The following BICDL1 variants were observed in gnomAD, a reference collection of about 807,000 sequenced individuals.
BICDL1 encodes BICD family-like cargo adapter 1.
BICDL1 carries 20 observed loss-of-function variants against 76.8 expected under a neutral mutation model. That is an observed-to-expected ratio of 0.26 (90% CI 0.18 to 0.38). The LOEUF is 0.38. Among genes scored for constraint, BICDL1 ranks in the 10% least tolerant of loss-of-function variants. The pLI is 1.00. For synonymous variants in BICDL1, 383 were observed against 337.1 expected, an observed-to-expected ratio of 1.14 and a Z score of -1.49; for missense variants, 700 against 798.6, an observed-to-expected ratio of 0.88 and a Z score of 1.49.
intron 2 of BICDL1, among the ~76,000 whole-genome samples, chr12:120,021,904 C>CAAATA (rs202113895): frequency 1.3e-3 from 186 of 139,384 alleles, no homozygotes; most frequent in African/African-American, 3.2e-3. Flanking sequence ...GGCTCTGTCT[C>CAAATA]AAATAAAATA....
chr12:120,045,396 T>G (rs2138826769), intron 2 of BICDL1, among the ~76,000 whole-genome samples: 1 of 152,064 alleles, frequency 6.6e-6, no homozygotes, highest in South Asian at 2.1e-4. Context: ...AAATACCATT[T>G]GACCCAGCCA....
intron 2 of BICDL1, among the ~76,000 whole-genome samples, chr12:120,057,818 C>CTTTTTTTTTTTTTTTTT (rs143777152): frequency 1.7e-4 from 13 of 78,324 alleles, no homozygotes; most frequent in African/African-American, 7.0e-4. Context: ...GCGATTCCTG[C>CTTTTTTTTTTTTTTTTT]TTTTTTTTTT....
Position 119,990,001 on chromosome 12 carries a change from T to C in BICDL1, c.133T>C (p.Phe45Leu). 6.8e-7 allele frequency: 1 copy of C among 1,480,886 alleles called. No individual in the cohort carries two copies. Among genetic ancestry groups the C allele is most frequent in the South Asian group, 1.3e-5 (1 of 74,816 alleles). The allele number at this position is 1,480,886 out of a possible 1,614,324, so 91.7% of individuals were successfully genotyped here. A position where few individuals can be genotyped will look rare whatever the true frequency, so the allele number is the denominator to read the frequency against. ...RSPAAAAALI[F>L]PGGSGELELA... is the part of the protein sequence containing the mutation. ...TCCCGCCGCCGCCGCCGCCCTCATC[T>C]TCCCCGGGGGCTCCGGGGAGCTAGA... The change falls in exon 1 of 10, where the codon TTC (phenylalanine) becomes CTC (leucine). Residue 45 changes from phenylalanine (F) to leucine (L), a missense_variant. Physicochemically the swap from Phe to Leu is conservative, Grantham distance 22. Coordinates refer to ENST00000548673, the MANE Select transcript of BICDL1 (RefSeq NM_001367886.1).
At position 120,058,981 on chromosome 12, in the gene BICDL1, G is replaced by A. The variant is rs144073181; in HGVS notation, c.646-2729G>A. The stretch of plus-strand genomic sequence containing the variant: ...CTAAATTGGACTCGTGTAAAGTTTG[G>A]TTTTAGTAGTGAGCAATAGAAATAT... On this transcript the variant is annotated intron_variant, in intron 2 of 9. Coordinates refer to ENST00000548673, the MANE Select transcript of BICDL1 (RefSeq NM_001367886.1). Among the ~76,000 whole-genome samples, 14 of 152,198 alleles carry A rather than the reference G, an allele frequency of 9.2e-5. 1 individual carries two copies. In the East Asian group the frequency reaches 2.5e-3, roughly 27 times the overall value.
intron 8 of BICDL1, among the ~76,000 whole-genome samples, chr12:120,081,882 G>A (rs1445728112): frequency 6.8e-6 from 1 of 147,450 alleles, no homozygotes; most frequent in Non-Finnish European, 1.5e-5. Context: ...AAGACATAGT[G>A]TCATCTCCAT....
At chr12:120,021,537 A>C (rs1323365558) in intron 2 of BICDL1, among the ~76,000 whole-genome samples, 1 of 143,636 alleles carries the variant, frequency 7.0e-6, no homozygotes, top group African/African-American at 2.6e-5. Context: ...CAGTGAGCCA[A>C]GATTGCGCCA....
intron 2 of BICDL1, among the ~76,000 whole-genome samples, chr12:120,013,840 T>G (rs1952008365): frequency 1.3e-5 from 2 of 152,354 alleles, no homozygotes; most frequent in South Asian, 2.1e-4. Context: ...CATTGATTTG[T>G]TCTGAAGACT....
At chr12:120,067,571 C>T (rs1953248018) in intron 4 of BICDL1, among the ~76,000 whole-genome samples, 1 of 152,134 alleles carries the variant, frequency 6.6e-6, no homozygotes, top group Non-Finnish European at 1.5e-5. Context: ...GGTTTTTCTG[C>T]CTGTGTCTGT....
chr12:120,015,174 AACTT>A (rs1298133008), intron 2 of BICDL1, among the ~76,000 whole-genome samples: 1 of 152,136 alleles, frequency 6.6e-6, no homozygotes, highest in African/African-American at 2.4e-5. Flanking sequence ...AAGCTTTCTT[AACTT>A]TATGCAATAA....
At chr12:120,011,206 G>T (rs1273893984) in intron 2 of BICDL1, among the ~76,000 whole-genome samples, 2 of 152,180 alleles carry the variant, frequency 1.3e-5, no homozygotes, top group Admixed American at 6.5e-5. Flanking sequence ...ATTTCTGTGG[G>T]CTATGCCTGG....
At chr12:120,022,492 GTATA>G (rs577815161) in intron 2 of BICDL1, among the ~76,000 whole-genome samples, 3 of 145,834 alleles carry the variant, frequency 2.1e-5, no homozygotes, top group Non-Finnish European at 3.0e-5. Flanking sequence ...ATATTTTTGT[GTATA>G]TATATATATT....
chr12:120,061,353 A>G (rs1953100181), intron 2 of BICDL1, among the ~76,000 whole-genome samples: 1 of 152,240 alleles, frequency 6.6e-6, no homozygotes, highest in Non-Finnish European at 1.5e-5. Context: ...AGGTATAACC[A>G]TCTTATTCTT....
intron 2 of BICDL1, among the ~76,000 whole-genome samples, chr12:120,009,151 C>A (rs895290399): frequency 1.3e-5 from 2 of 152,122 alleles, no homozygotes; most frequent in Non-Finnish European, 2.9e-5. Context: ...CCACACCCAG[C>A]TAATTTTTGT....
chr12:120,032,235 C>T (rs1028566469), intron 2 of BICDL1, among the ~76,000 whole-genome samples: 37 of 152,142 alleles, frequency 2.4e-4, no homozygotes, highest in African/African-American at 7.7e-4. Flanking sequence ...AGTTGGTGCT[C>T]CTCTTCCTGG....
chr12:120,025,269 C>A (rs916044984), intron 2 of BICDL1, among the ~76,000 whole-genome samples: 3 of 152,038 alleles, frequency 2.0e-5, no homozygotes, highest in African/African-American at 7.2e-5. Context: ...CCAGGATGGT[C>A]TTGATCTCCT....
chr12:120,091,344 T>G (rs1874950112), intron 9 of BICDL1: 1 of 1,001,722 alleles, frequency 1.0e-6, no homozygotes, highest in Non-Finnish European at 1.2e-6. Context: ...CCTGATTGCT[T>G]AAAGTTAAAA....
At position 120,090,011 on chromosome 12, in the gene BICDL1, C is replaced by G. The variant is rs1874827978; in HGVS notation, c.1644C>G (p.Ser548Arg). The G allele has an allele frequency of 5.6e-6, 9 of 1,614,022 alleles. No homozygotes were observed. The South Asian group carries it at 8.8e-5, about 16-fold the overall frequency. ...KCRMDMMSLN[S>R]QLLDAIQQKL... ...GGATGGATATGATGTCTCTGAACAG[C>G]CAGTTGCTGGATGCCATTCAGCAGA... The change falls in exon 9 of 10, where the codon AGC (serine) becomes AGG (arginine). Residue 548 changes from serine to arginine, a missense_variant. Ser to Arg is a moderately radical substitution (Grantham distance 110). Coordinates refer to ENST00000548673, the MANE Select transcript of BICDL1 (RefSeq NM_001367886.1).
chr12:120,091,419 C>T, intron 9 of BICDL1: 2 of 1,010,754 alleles, frequency 2.0e-6, no homozygotes, highest in South Asian at 8.0e-5. Context: ...TTTGAAAGAC[C>T]CTTTAGCATT....
At chr12:119,995,932 G>T (rs1281854120) in intron 1 of BICDL1, among the ~76,000 whole-genome samples, 1 of 151,228 alleles carries the variant, frequency 6.6e-6, no homozygotes, top group African/African-American at 2.4e-5. Context: ...GTTGCAGTGA[G>T]CCGAGATCAT....
Sources: gnomAD v4.1 joint callset for allele counts (sites outside exome capture counted in the v4.1 genomes callset) on GRCh38, gnomAD v4.1.1 for gene constraint, MANE v1.5 for transcripts, NCBI Gene and HGNC (gene_info 2026-07-23, HGNC 2026-07-21) for gene names.